Variants in FAM227B observed in about 807,000 individuals in gnomAD.
FAM227B encodes the protein family with sequence similarity 227 member B.
Under a neutral mutation model 73.8 loss-of-function variants are expected in FAM227B, and 88 were observed. That is an observed-to-expected ratio of 1.19 (90% CI 1.00 to 1.42). The LOEUF is 1.42. FAM227B is among the 40% of genes most tolerant of loss of function. FAM227B has a pLI of 0.00. For synonymous variants in FAM227B, 210 were observed against 190.5 expected, an observed-to-expected ratio of 1.10 and a Z score of -0.84; for missense variants, 632 against 590.9, an observed-to-expected ratio of 1.07 and a Z score of -0.72.
chr15:49,474,445 C>T (rs2055057258), intron 11 of FAM227B, among the ~76,000 whole-genome samples: 1 of 152,116 alleles, frequency 6.6e-6, no homozygotes, highest in Non-Finnish European at 1.5e-5. Context: ...AATGAACCAC[C>T]TGAAAACTGG....
chr15:49,423,474 C>T (rs2049864123), intron 11 of FAM227B: 1 of 152,098 alleles, frequency 6.6e-6, no homozygotes, highest in Non-Finnish European at 1.5e-5. Flanking sequence ...TAAAACAATG[C>T]TGAATGTTTT....
At chr15:49,554,657 C>A (rs1326317004) in intron 9 of FAM227B, among the ~76,000 whole-genome samples, 1 of 152,160 alleles carries the variant, frequency 6.6e-6, no homozygotes, top group Non-Finnish European at 1.5e-5. Context: ...ACTGCCACTG[C>A]TGGGGGTTGG....
chr15:49,472,864 A>T (rs1274390539), intron 11 of FAM227B, among the ~76,000 whole-genome samples: 4 of 152,306 alleles, frequency 2.6e-5, no homozygotes, highest in Admixed American at 2.0e-4. Flanking sequence ...ACATTTCCCA[A>T]ATTTGCTAAT....
rs144649467 is a variant in FAM227B at position 49,492,453 on chromosome 15, C to A, written c.1012+15758G>T. Among the ~76,000 whole-genome samples the A allele has an allele frequency of 2.3e-3, 353 of 151,876 alleles. 2 individuals are homozygous for A. The highest frequency in any genetic ancestry group is 3.8e-3 in the Non-Finnish European group (256 of 67,816). ...CTAGGTGGCAGTGCTTATCTCAATTCAATTTTAAGTTTCTATAGTTTACAG... is the reference window on the plus strand; with the variant it reads ...CTAGGTGGCAGTGCTTATCTCAATTAAATTTTAAGTTTCTATAGTTTACAG... On this transcript the variant is annotated intron_variant, in intron 11 of 15. Coordinates refer to ENST00000299338, the MANE Select transcript of FAM227B (RefSeq NM_152647.3).
chr15:49,503,590 A>C (rs1294667847), intron 11 of FAM227B, among the ~76,000 whole-genome samples: 1 of 152,178 alleles, frequency 6.6e-6, no homozygotes, highest in African/African-American at 2.4e-5. Context: ...AAAAAAACAA[A>C]CAACCCCATC....
intron 11 of FAM227B, among the ~76,000 whole-genome samples, chr15:49,377,824 T>C (rs774477700): frequency 6.6e-6 from 1 of 152,130 alleles, no homozygotes; most frequent in African/African-American, 2.4e-5. Context: ...CTTCACTTTG[T>C]TGATTGTATC....
chr15:49,349,119 T>C lies in FAM227B; in HGVS notation c.1272-13623A>G, dbSNP rs115748855. 6.4e-3 allele frequency among the ~76,000 whole-genome samples: 968 copies of C among 152,328 alleles called. 14 individuals are homozygous for C. Among genetic ancestry groups the C allele is most frequent in the African/African-American group, 0.022 (912 of 41,580 alleles). Reference sequence around the variant, plus strand: ...ACAAGTTGGTGAATTGTAGTCTGTATCTTGTATATTTTATTAAAAGAAAAT... The same window carrying C: ...ACAAGTTGGTGAATTGTAGTCTGTACCTTGTATATTTTATTAAAAGAAAAT... On this transcript the variant is annotated intron_variant, in intron 13 of 15. Transcript: ENST00000299338.
intron 9 of FAM227B, among the ~76,000 whole-genome samples, chr15:49,549,966 C>T (rs79351071): frequency 0.015 from 1,845 of 122,608 alleles, 157 homozygotes; most frequent in Non-Finnish European, 0.023. Flanking sequence ...GGGGGGCTGA[C>T]CCCCCCACCT....
intron 11 of FAM227B, among the ~76,000 whole-genome samples, chr15:49,389,924 T>C (rs2047105011): frequency 6.6e-6 from 1 of 152,050 alleles, no homozygotes; most frequent in South Asian, 2.1e-4. Context: ...TGTCATAGAC[T>C]CAGTTCTGGC....
At chr15:49,570,462 A>G (rs1175757489) in intron 8 of FAM227B, among the ~76,000 whole-genome samples, 1 of 151,908 alleles carries the variant, frequency 6.6e-6, no homozygotes, top group Non-Finnish European at 1.5e-5. Context: ...TCCTTTGAGA[A>G]GTGTTTAGAG....
chr15:49,536,084 AAAAAAAG>A (rs1360061162), intron 10 of FAM227B, among the ~76,000 whole-genome samples: 1 of 150,500 alleles, frequency 6.6e-6, no homozygotes, highest in African/African-American at 2.4e-5. Flanking sequence ...AAAAAAAAAA[AAAAAAAG>A]AAAAAAGAAA....
chr15:49,598,401 A>G (rs1280293949), intron 3 of FAM227B, among the ~76,000 whole-genome samples: 2 of 151,988 alleles, frequency 1.3e-5, no homozygotes, highest in Non-Finnish European at 2.9e-5. Context: ...TGTTATCTGC[A>G]AGAGACAATT....
At chr15:49,592,163 C>T (rs2076618913) in intron 3 of FAM227B, among the ~76,000 whole-genome samples, 1 of 152,182 alleles carries the variant, frequency 6.6e-6, no homozygotes, top group Non-Finnish European at 1.5e-5. Flanking sequence ...CTAGAGCCTA[C>T]TTCTGTCAAC....
intron 11 of FAM227B, among the ~76,000 whole-genome samples, chr15:49,501,894 T>C (rs2058168420): frequency 6.6e-6 from 1 of 152,238 alleles, no homozygotes; most frequent in South Asian, 2.1e-4. Context: ...GCCACTGCTC[T>C]GTGCATCCCA....
In FAM227B at chr15:49,508,099, T is replaced by C; in HGVS notation, c.1012+112A>G. 11 of 1,102,954 alleles carry C rather than the reference T, an allele frequency of 1.0e-5. 1 individual carries two copies. The South Asian group carries it at 1.6e-4, about 16-fold the overall frequency. The allele number at this position is 1,102,954 out of a possible 1,614,324, so 68.3% of individuals were successfully genotyped here. ...TAACATCAATCTATAAATCAAATGT[T>C]ATTTTAAGGCCCTCACCAAAAACAT... On this transcript the variant is annotated intron_variant, in intron 11 of 15. Coordinates refer to ENST00000299338, the MANE Select transcript of FAM227B (RefSeq NM_152647.3).
At position 49,329,855 on chromosome 15, in the gene FAM227B, C is replaced by T. The variant is rs1324868419; in HGVS notation, c.1420-1180G>A. 10 of 704,358 alleles carry T rather than the reference C, an allele frequency of 1.4e-5. No individual in the cohort carries two copies. In the African/African-American group the frequency reaches 1.6e-4, roughly 11 times the overall value. 43.6% of individuals were successfully genotyped at this position (704,358 alleles called of 1,614,324 possible). ...TGTCATTGTTTTGCTGTTCCATTTACAATTTTCACCAGGTGATTTCTTCTT... is the reference window on the plus strand; with the variant it reads ...TGTCATTGTTTTGCTGTTCCATTTATAATTTTCACCAGGTGATTTCTTCTT... On this transcript the variant is annotated intron_variant, in intron 15 of 15. Coordinates refer to ENST00000299338, the MANE Select transcript of FAM227B (RefSeq NM_152647.3).
At chr15:49,417,248 C>T (rs954458833) in intron 11 of FAM227B, among the ~76,000 whole-genome samples, 3 of 151,992 alleles carry the variant, frequency 2.0e-5, no homozygotes, top group African/African-American at 4.8e-5. Flanking sequence ...AAAAAAATAG[C>T]CTGGTATGGT....
chr15:49,413,266 C>T (rs953729280), intron 11 of FAM227B, among the ~76,000 whole-genome samples: 10 of 151,976 alleles, frequency 6.6e-5, no homozygotes, highest in African/African-American at 1.4e-4. Context: ...ATAAGTCTTA[C>T]GAGATCTGAT....
intron 13 of FAM227B, among the ~76,000 whole-genome samples, chr15:49,348,303 T>G (rs2041814546): frequency 6.6e-6 from 1 of 152,178 alleles, no homozygotes; most frequent in South Asian, 2.1e-4. Context: ...AACTTCGGGT[T>G]TGCTTTGCAA....
Sources: gnomAD v4.1 joint callset for allele counts (sites outside exome capture counted in the v4.1 genomes callset) on GRCh38, gnomAD v4.1.1 for gene constraint, MANE v1.5 for transcripts, NCBI Gene and HGNC (gene_info 2026-07-23, HGNC 2026-07-21) for gene names.